Variants in NKAIN3 observed in about 807,000 individuals in gnomAD.
NKAIN3 encodes the protein sodium/potassium-transporting ATPase subunit beta-1-interacting protein 3.
NKAIN3 carries 25 observed loss-of-function variants against 30.2 expected under a neutral mutation model. The observed-to-expected ratio is 0.83, with a 90% confidence interval of 0.60 to 1.16. The LOEUF (loss-of-function observed/expected upper bound fraction) is 1.16, where lower values mean the gene tolerates loss of function less well. Ranked by LOEUF, NKAIN3 falls within the 50% of genes most tolerant of loss-of-function variation. The probability of loss-of-function intolerance (pLI) is 0.00; values close to 1 mark genes in which losing one functional copy is unlikely to be tolerated. For missense variants in NKAIN3, 225 were observed against 254.1 expected (o/e 0.89, Z 0.78); for synonymous variants, 91 against 89.6 (o/e 1.02, Z -0.09).
chr8:62,957,859 C>A (rs961963940), intron 6 of NKAIN3, among the ~76,000 whole-genome samples: 1 of 152,124 alleles, frequency 6.6e-6, no homozygotes, highest in Admixed American at 6.5e-5. Context: ...AAACGATAGG[C>A]TTCGAGTGAC....
intron 1 of NKAIN3, among the ~76,000 whole-genome samples, chr8:62,372,322 CT>C (rs377145739): frequency 3.6e-4 from 55 of 152,004 alleles, no homozygotes; most frequent in African/African-American, 1.2e-3. Context: ...TCTAGAAAGA[CT>C]TAAAATGTCA....
Position 62,448,488 on chromosome 8 carries a change from A to AAAC in NKAIN3, c.55-131049_55-131048insCAA, listed in dbSNP as rs1554532597. Among the ~76,000 whole-genome samples, 1,202 of 150,684 alleles carry AAAC rather than the reference A, an allele frequency of 8.0e-3. 18 individuals are homozygous for AAAC. Among genetic ancestry groups the AAAC allele is most frequent in the African/African-American group, 0.025 (1,038 of 41,252 alleles). On this transcript the variant is annotated intron_variant, in intron 1 of 6. Transcript: ENST00000623646. ...GCTTCTAGAAAATCCAAAAAAAAAA[A>AAAC]AAGATAAAAAGAAAAATCACCTGCC...
chr8:62,984,177 T>G lies in NKAIN3; in HGVS notation c.*18770T>G, dbSNP rs990240143. ...GGTGAGAATGACTCTAAGCCTCTTT[T>G]TGTTGCTGTGACTGACAGAACTAAA... On this transcript the variant is annotated 3_prime_UTR_variant, in exon 7 of 7. Coordinates refer to ENST00000623646, the MANE Select transcript of NKAIN3 (RefSeq NM_001304533.3). 2.0e-5 allele frequency: 3 copies of G among 152,242 alleles called. No individual in the cohort carries two copies. Among genetic ancestry groups the G allele is most frequent in the African/African-American group, 7.2e-5 (3 of 41,462 alleles). The allele number at this position is 152,242 out of a possible 1,614,324, so 9.4% of individuals were successfully genotyped here.
intron 1 of NKAIN3, among the ~76,000 whole-genome samples, chr8:62,450,886 G>C (rs1228058641): frequency 1.3e-5 from 2 of 152,182 alleles, no homozygotes; most frequent in Non-Finnish European, 2.9e-5. Flanking sequence ...TTCACTATAA[G>C]CTTGTGAAAG....
intron 1 of NKAIN3, among the ~76,000 whole-genome samples, chr8:62,261,756 ATTTCT>A (rs1812451118): frequency 6.6e-6 from 1 of 152,228 alleles, no homozygotes; most frequent in African/African-American, 2.4e-5. Context: ...AGCTCATAAA[ATTTCT>A]TTTCTAATTA....
rs1435219334 is a variant in NKAIN3, at chr8:62,974,409, T to TTC, written c.*9006_*9007dup. On this transcript the variant is annotated 3_prime_UTR_variant, in exon 7 of 7. Transcript: ENST00000623646. ...GTAAGTTGCATTCCTAGGTATTTTATTCTCTTTGTAGCAATTGTGAATGGG... is the reference window on the plus strand; with the variant it reads ...GTAAGTTGCATTCCTAGGTATTTTATTCTCTCTTTGTAGCAATTGTGAATGGG... Among the ~76,000 whole-genome samples the TTC allele has an allele frequency of 5.3e-5, 8 of 152,214 alleles. No homozygotes were observed. The highest frequency in any genetic ancestry group is 5.2e-4 in the Admixed American group (8 of 15,284).
intron 3 of NKAIN3, among the ~76,000 whole-genome samples, chr8:62,680,157 C>T (rs541015387): frequency 2.4e-4 from 36 of 152,114 alleles, no homozygotes; most frequent in South Asian, 4.1e-4. Context: ...AGAGTAACCC[C>T]GGGCTAACAG....
intron 1 of NKAIN3, among the ~76,000 whole-genome samples, chr8:62,339,188 C>A (rs1815661968): frequency 6.6e-6 from 1 of 151,872 alleles, no homozygotes; most frequent in African/African-American, 2.4e-5. Context: ...ACTGAAACCC[C>A]AGAATGAGTG....
chr8:62,842,617 A>G (rs1376425070), intron 4 of NKAIN3, among the ~76,000 whole-genome samples: 1 of 152,180 alleles, frequency 6.6e-6, no homozygotes, highest in Admixed American at 6.5e-5. Flanking sequence ...ATGTTTTATA[A>G]AAGTGATTAT....
chr8:62,334,928 T>G (rs999248686), intron 1 of NKAIN3, among the ~76,000 whole-genome samples: 3 of 152,062 alleles, frequency 2.0e-5, no homozygotes, highest in Non-Finnish European at 4.4e-5. Flanking sequence ...AGTTCAAGGT[T>G]TTAAGAGTAA....
intron 4 of NKAIN3, among the ~76,000 whole-genome samples, chr8:62,835,718 A>C (rs1225906340): frequency 1.3e-5 from 2 of 152,128 alleles, no homozygotes; most frequent in African/African-American, 2.4e-5. Flanking sequence ...GTGAAGAAAA[A>C]GAAACACTTA....
chr8:62,681,887 G>A (rs1328739791), intron 3 of NKAIN3, among the ~76,000 whole-genome samples: 1 of 152,164 alleles, frequency 6.6e-6, no homozygotes, highest in East Asian at 1.9e-4. Flanking sequence ...TGCCTTTGAA[G>A]CATCTGCTTT....
At chr8:62,302,320 G>C (rs1277201051) in intron 1 of NKAIN3, among the ~76,000 whole-genome samples, 1 of 151,810 alleles carries the variant, frequency 6.6e-6, no homozygotes, top group Admixed American at 6.6e-5. Flanking sequence ...ACCTCAGCTG[G>C]GTTCTGCACT....
chr8:62,870,254 A>ATCTGTATC (rs879552418), intron 4 of NKAIN3, among the ~76,000 whole-genome samples: 1 of 109,502 alleles, frequency 9.1e-6, no homozygotes, highest in Non-Finnish European at 1.8e-5. Flanking sequence ...AGATATCTAT[A>ATCTGTATC]TATATATCTA....
intron 1 of NKAIN3, among the ~76,000 whole-genome samples, chr8:62,517,529 T>C (rs1808029589): frequency 6.6e-6 from 1 of 152,110 alleles, no homozygotes; most frequent in Non-Finnish European, 1.5e-5. Flanking sequence ...AAGCTTTAGA[T>C]CGAAGTGACA....
At position 62,676,537 on chromosome 8, in the gene NKAIN3, C is replaced by A. The variant is rs540857445; in HGVS notation, c.274-70395C>A. Among the ~76,000 whole-genome samples, 3 of 152,274 alleles carry A rather than the reference C, an allele frequency of 2.0e-5. No individual in the cohort carries two copies. In the South Asian group the frequency reaches 6.2e-4, roughly 32 times the overall value. On this transcript the variant is annotated intron_variant, in intron 3 of 6. Transcript: ENST00000623646. ...TGAGCGGAGATTGCACCACTGCACTCCAGCCTCCGCGACAGAGCAAGACTC... is the reference window on the plus strand; with the variant it reads ...TGAGCGGAGATTGCACCACTGCACTACAGCCTCCGCGACAGAGCAAGACTC...
At chr8:62,450,768 G>A (rs756797826) in intron 1 of NKAIN3, among the ~76,000 whole-genome samples, 1 of 152,164 alleles carries the variant, frequency 6.6e-6, no homozygotes, top group Non-Finnish European at 1.5e-5. Flanking sequence ...CTCAGGATCA[G>A]AATGTAGAAA....
chr8:62,833,080 C>T (rs56047308), intron 4 of NKAIN3, among the ~76,000 whole-genome samples: 12,743 of 152,042 alleles, frequency 0.084, 581 homozygotes, highest in South Asian at 0.14. Flanking sequence ...ACAACTTGCT[C>T]CCGAATAACT....
chr8:62,554,775 A>G (rs1245348613), intron 1 of NKAIN3, among the ~76,000 whole-genome samples: 1 of 152,080 alleles, frequency 6.6e-6, no homozygotes, highest in Non-Finnish European at 1.5e-5. Context: ...TGCACATTAG[A>G]TTTCCAGACT....
Sources: allele counts gnomAD v4.1 joint callset (sites outside exome capture counted in the v4.1 genomes callset), GRCh38; gene constraint gnomAD v4.1.1; transcripts MANE v1.5; gene names NCBI Gene and HGNC (gene_info 2026-07-23, HGNC 2026-07-21).